The following ZNF251 variants were observed in gnomAD, a reference collection of about 807,000 sequenced individuals.
ZNF251 encodes the protein zinc finger protein 251.
A neutral mutation model predicts 13.5 loss-of-function variants in ZNF251; 14 were observed. The observed-to-expected ratio is 1.04, with a 90% CI of 0.69 to 1.63. The LOEUF (loss-of-function observed/expected upper bound fraction) is 1.63, where lower values mean the gene tolerates loss of function less well. Ranked by LOEUF, ZNF251 falls within the 40% of genes most tolerant of loss-of-function variation. ZNF251 has a pLI of 0.00. For missense variants in ZNF251, 764 were observed against 834.9 expected, an observed-to-expected ratio of 0.92 and a Z score of 1.05; for synonymous variants, 287 against 295.2, an observed-to-expected ratio of 0.97 and a Z score of 0.28.
intron 2 of ZNF251, 36 bp downstream of exon 2, chr8:144,754,660 A>T (rs1398122132): frequency 1.3e-6 from 2 of 1,588,830 alleles, no homozygotes; most frequent in African/African-American, 2.7e-5. Context: ...ATGGGGATGA[A>T]GATGAAGAGG....
Position 144,737,639 on chromosome 8 carries a change from T to C in ZNF251, c.278-14257A>G, listed in dbSNP as rs914677575. 7.9e-5 allele frequency among the ~76,000 whole-genome samples: 12 copies of C among 152,082 alleles called. No homozygotes were observed. In the East Asian group the frequency reaches 9.8e-4, roughly 12 times the overall value. ...CAAGGTCAGGAGATCGAGACCATCCTGGCTAACACGGTGAAACCCCGTCTC... is the reference window on the plus strand; with the variant it reads ...CAAGGTCAGGAGATCGAGACCATCCCGGCTAACACGGTGAAACCCCGTCTC... On this transcript the variant is annotated intron_variant, in intron 4 of 4. Transcript: ENST00000292562.
chr8:144,724,050 T>C (rs1563754491), intron 4 of ZNF251, among the ~76,000 whole-genome samples: 1 of 152,094 alleles, frequency 6.6e-6, no homozygotes, highest in Non-Finnish European at 1.5e-5. Flanking sequence ...GAGACCATCC[T>C]GGGTAACACG....
chr8:144,754,199 G>A lies in ZNF251; in HGVS notation c.156C>T (p.Ala52=), dbSNP rs753760888. 51 of 1,613,368 alleles carry A rather than the reference G, an allele frequency of 3.2e-5. No individual in the cohort carries two copies. Among genetic ancestry groups the A allele is most frequent in the Admixed American group, 6.7e-5 (4 of 59,948 alleles). ...DVMLENYGNV[A]SLGFPVPKPE... is the part of the protein sequence containing the mutation. ...AAGTGCAGAGAGCCTCACCCAGAGA[G>A]GCCACGTTCCCATAGTTCTCCAGCA... Residue 52 remains alanine, a synonymous_variant, in exon 3 of 5, where the codon GCC becomes GCT. Transcript: ENST00000292562.
At position 144,755,515 on chromosome 8, in the gene ZNF251, C is replaced by G; in HGVS notation, c.-186G>C. 1 of 1,285,964 alleles carries G rather than the reference C, an allele frequency of 7.8e-7. No homozygotes were observed. The highest frequency in any genetic ancestry group is 1.0e-6 in the Non-Finnish European group (1 of 988,138). 79.7% of individuals were successfully genotyped at this position (1,285,964 alleles called of 1,614,324 possible). A position where few individuals can be genotyped will look rare whatever the true frequency, so the allele number is the denominator to read the frequency against. Reference sequence around the variant, plus strand: ...ACCGGGTCCAGAGCCGGGGAGGGGGCGGGCTAGGATGAAGAGGGCGGGCCG... The same window carrying G: ...ACCGGGTCCAGAGCCGGGGAGGGGGGGGGCTAGGATGAAGAGGGCGGGCCG... On this transcript the variant is annotated 5_prime_UTR_variant, in exon 1 of 5. Transcript: ENST00000292562.
chr8:144,721,496 C>T lies in ZNF251; in HGVS notation c.*148G>A. 1 of 820,016 alleles carries T rather than the reference C, an allele frequency of 1.2e-6. No homozygotes were observed. Among genetic ancestry groups the T allele is most frequent in the Non-Finnish European group, 1.6e-6 (1 of 609,442 alleles). 50.8% of individuals were successfully genotyped at this position (820,016 alleles called of 1,614,324 possible). A position where few individuals can be genotyped will look rare whatever the true frequency, so the allele number is the denominator to read the frequency against. On this transcript the variant is annotated 3_prime_UTR_variant, in exon 5 of 5. Coordinates refer to ENST00000292562, the MANE Select transcript of ZNF251 (RefSeq NM_138367.2). ...CAGAATGAATTCTCGTGTTTACTTC[C>T]AGATTTAATGACTTTGACTTTAGTA...
intron 4 of ZNF251, among the ~76,000 whole-genome samples, chr8:144,744,174 G>A (rs1039442884): frequency 9.2e-5 from 14 of 151,916 alleles, no homozygotes; most frequent in African/African-American, 3.4e-4. Context: ...CACACACCCA[G>A]CTGGTTTTTG....
intron 4 of ZNF251, among the ~76,000 whole-genome samples, chr8:144,728,518 C>G (rs1223304877): frequency 6.6e-6 from 1 of 151,622 alleles, no homozygotes; most frequent in African/African-American, 2.4e-5. Flanking sequence ...AAAAAATTAG[C>G]CGGGCGTGGT....
chr8:144,724,018 C>T (rs111673964), intron 4 of ZNF251, among the ~76,000 whole-genome samples: 2 of 151,976 alleles, frequency 1.3e-5, no homozygotes, highest in African/African-American at 4.8e-5. Context: ...CCGAGGTGGG[C>T]GGATCACGAG....
intron 4 of ZNF251, among the ~76,000 whole-genome samples, chr8:144,740,016 T>C (rs1824083628): frequency 6.6e-6 from 1 of 152,296 alleles, no homozygotes; most frequent in South Asian, 2.1e-4. Flanking sequence ...CCAGGTGCCA[T>C]GGCTCACGCC....
intron 4 of ZNF251, among the ~76,000 whole-genome samples, chr8:144,730,346 G>A (rs1017896798): frequency 2.6e-4 from 39 of 149,906 alleles, no homozygotes; most frequent in African/African-American, 9.6e-4. Flanking sequence ...GGCATGTGAC[G>A]CTGCGACGGG....
chr8:144,743,311 G>A (rs539003309), intron 4 of ZNF251, among the ~76,000 whole-genome samples: 83 of 152,200 alleles, frequency 5.5e-4, no homozygotes, highest in Non-Finnish European at 8.8e-4. Flanking sequence ...TGATCCACCC[G>A]CCTTGGCCTC....
At chr8:144,745,987 A>AT (rs1244561726) in intron 4 of ZNF251, among the ~76,000 whole-genome samples, 5 of 152,042 alleles carry the variant, frequency 3.3e-5, no homozygotes, top group Non-Finnish European at 5.9e-5. Flanking sequence ...TCAGTCTTGT[A>AT]TTTTTCCTCA....
At chr8:144,743,603 A>G (rs972314563) in intron 4 of ZNF251, among the ~76,000 whole-genome samples, 1 of 152,240 alleles carries the variant, frequency 6.6e-6, no homozygotes, top group African/African-American at 2.4e-5. Flanking sequence ...GCTGGATCAC[A>G]TGGTAAAGGT....
At chr8:144,753,083 G>C (rs560887827) in intron 4 of ZNF251, among the ~76,000 whole-genome samples, 32 of 151,850 alleles carry the variant, frequency 2.1e-4, no homozygotes, top group Admixed American at 2.0e-3. Context: ...GACCAGTTTG[G>C]GCAACGTGGT....
At chr8:144,745,348 T>C (rs1281195256) in intron 4 of ZNF251, among the ~76,000 whole-genome samples, 1 of 152,110 alleles carries the variant, frequency 6.6e-6, no homozygotes, top group African/African-American at 2.4e-5. Context: ...TCTGTTTCAT[T>C]GATCTATTTT....
At chr8:144,738,989 C>T (rs918577932) in intron 4 of ZNF251, among the ~76,000 whole-genome samples, 3 of 152,116 alleles carry the variant, frequency 2.0e-5, no homozygotes, top group African/African-American at 7.2e-5. Flanking sequence ...CAGGGGACTA[C>T]AAGGCCTTCC....
chr8:144,739,274 G>A (rs779488930), intron 4 of ZNF251, among the ~76,000 whole-genome samples: 1 of 71,636 alleles, frequency 1.4e-5, no homozygotes, highest in Non-Finnish European at 2.6e-5. Context: ...ACTCCACCCC[G>A]CCAAACTAGG....
chr8:144,745,787 G>A (rs1430979064), intron 4 of ZNF251, among the ~76,000 whole-genome samples: 18 of 151,958 alleles, frequency 1.2e-4, no homozygotes, highest in Non-Finnish European at 7.4e-5. Context: ...GGGCTTAAGC[G>A]ATCCTCCTGC....
At chr8:144,736,579 C>A (rs773556268) in intron 4 of ZNF251, among the ~76,000 whole-genome samples, 7 of 151,930 alleles carry the variant, frequency 4.6e-5, no homozygotes, top group Non-Finnish European at 1.0e-4. Context: ...GCAACTTCCA[C>A]CTCCTGGGTT....
Sources: gnomAD v4.1 joint callset for allele counts (sites outside exome capture counted in the v4.1 genomes callset) on GRCh38, gnomAD v4.1.1 for gene constraint, MANE v1.5 for transcripts, NCBI Gene and HGNC (gene_info 2026-07-23, HGNC 2026-07-21) for gene names.